PPP6R3: variants seen among roughly 807,000 people sequenced by gnomAD.
PPP6R3 encodes protein phosphatase 6 regulatory subunit 3.
In PPP6R3, 38 loss-of-function variants were observed where a neutral mutation model predicts 110.7. The ratio of observed to expected loss-of-function variants is 0.34; its 90% confidence interval spans 0.26 to 0.45. The LOEUF (loss-of-function observed/expected upper bound fraction) is 0.45. Ranked by LOEUF, PPP6R3 falls within the 20% of genes least tolerant of loss-of-function variation. The pLI, the probability that PPP6R3 is intolerant of heterozygous loss-of-function variation, is 1.00. For synonymous variants in PPP6R3, 369 were observed against 373.5 expected (o/e 0.99, Z 0.14); for missense variants, 870 against 1,062.4 (o/e 0.82, Z 2.52).
intron 1 of PPP6R3, among the ~76,000 whole-genome samples, chr11:68,470,475 G>T (rs1050652146): frequency 6.6e-6 from 1 of 152,092 alleles, no homozygotes; most frequent in South Asian, 2.1e-4. Context: ...ATGGATGGGG[G>T]AGATGGGGGG....
intron 10 of PPP6R3, among the ~76,000 whole-genome samples, chr11:68,567,686 T>G (rs192297382): frequency 1.8e-4 from 27 of 152,094 alleles, no homozygotes; most frequent in African/African-American, 6.5e-4. Flanking sequence ...AGTTTCAGAG[T>G]CTGTGCTTAG....
chr11:68,601,826 C>T (rs1288166615), intron 20 of PPP6R3, 37 bp from the exon 21 acceptor site: 9 of 1,538,750 alleles, frequency 5.8e-6, no homozygotes, highest in African/African-American at 4.1e-5. Flanking sequence ...AGGACCATTC[C>T]CTGCTGCTAA....
chr11:68,519,777 A>G (rs1197755019), intron 2 of PPP6R3, 126 bp downstream of exon 2: 2 of 392,460 alleles, frequency 5.1e-6, no homozygotes, highest in African/African-American at 4.1e-5. Context: ...GCTAGGTACA[A>G]TATGATTCTG....
intron 1 of PPP6R3, among the ~76,000 whole-genome samples, chr11:68,503,720 G>A (rs2153492600): frequency 6.6e-6 from 1 of 152,172 alleles, no homozygotes; most frequent in Non-Finnish European, 1.5e-5. Context: ...ATCGCAGATT[G>A]GAATGAGGTG....
intron 5 of PPP6R3, among the ~76,000 whole-genome samples, chr11:68,550,041 C>T (rs540873603): frequency 1.7e-4 from 26 of 152,128 alleles, no homozygotes; most frequent in Admixed American, 7.9e-4. Context: ...TCCTCTGTTT[C>T]GGGACATTAT....
intron 3 of PPP6R3, among the ~76,000 whole-genome samples, chr11:68,542,538 T>C (rs578080306): frequency 2.0e-5 from 3 of 151,866 alleles, no homozygotes; most frequent in Non-Finnish European, 2.9e-5. Flanking sequence ...AGACTACAGG[T>C]GTGTGCCACC....
At chr11:68,600,704 A>G (rs989103322) in intron 20 of PPP6R3, among the ~76,000 whole-genome samples, 1 of 152,228 alleles carries the variant, frequency 6.6e-6, no homozygotes, top group South Asian at 2.1e-4. Context: ...ATTAATTGGA[A>G]ATGGGAGTAG....
At chr11:68,522,867 C>G (rs527446865) in intron 2 of PPP6R3, among the ~76,000 whole-genome samples, 78 of 152,270 alleles carry the variant, frequency 5.1e-4, no homozygotes, top group African/African-American at 1.8e-3. Context: ...GAAGACTGTT[C>G]ATGGAGGCTA....
intron 1 of PPP6R3, among the ~76,000 whole-genome samples, chr11:68,470,180 G>T (rs745876321): frequency 3.2e-4 from 49 of 152,172 alleles, no homozygotes; most frequent in Non-Finnish European, 6.5e-4. Context: ...ATAAATGAAA[G>T]ATACAGTAGC....
chr11:68,610,056 C>T, intron 23 of PPP6R3, 33 bp downstream of exon 23: 1 of 1,606,946 alleles, frequency 6.2e-7, no homozygotes. Flanking sequence ...CCACCCAGGC[C>T]CTGCCCTGAC....
Position 68,576,055 on chromosome 11 carries a change from A to C in PPP6R3, c.1545+12A>C, listed in dbSNP as rs1484435399. Reference sequence around the variant, plus strand: ...ACACGGTAGATCTAGTAGGTTTTACAAGGTTACATTTTTATTCTTTCAGTG... The same window carrying C: ...ACACGGTAGATCTAGTAGGTTTTACCAGGTTACATTTTTATTCTTTCAGTG... On this transcript the variant is annotated intron_variant, in intron 14 of 23. Transcript: ENST00000393800. 1 of 1,569,494 alleles carries C rather than the reference A, an allele frequency of 6.4e-7. No homozygotes were observed.
chr11:68,538,810 A>G (rs1405941764), intron 3 of PPP6R3, among the ~76,000 whole-genome samples: 1 of 152,178 alleles, frequency 6.6e-6, no homozygotes, highest in Admixed American at 6.5e-5. Flanking sequence ...TCACTCAGAG[A>G]TTAGTGTCTT....
intron 9 of PPP6R3, among the ~76,000 whole-genome samples, chr11:68,564,742 C>T (rs1208525285): frequency 6.6e-6 from 1 of 152,176 alleles, no homozygotes; most frequent in African/African-American, 2.4e-5. Flanking sequence ...AAAAGCTAAT[C>T]TTTCAGAAAC....
At chr11:68,587,230 G>A (rs1385110228) in intron 15 of PPP6R3, 2 of 147,274 alleles carry the variant, frequency 1.4e-5, no homozygotes, top group East Asian at 3.9e-4. Context: ...GTACTCTCTA[G>A]ATTTGGTGTT....
chr11:68,614,869 AC>A lies in PPP6R3; in HGVS notation c.*1753del. 2.1e-6 allele frequency: 2 copies of A among 944,368 alleles called. No homozygotes were observed. Among genetic ancestry groups the A allele is most frequent in the Non-Finnish European group, 3.3e-6 (2 of 609,000 alleles). 58.5% of individuals were successfully genotyped at this position (944,368 alleles called of 1,614,324 possible). ...TGAATGGCGTTGGACCTCGGGGATT[AC>A]TGGTAGATAATATGCTCTGGTCTCG... is the stretch of plus-strand genomic sequence containing the variant. On this transcript the variant is annotated 3_prime_UTR_variant, in exon 24 of 24. Transcript: ENST00000393800.
In PPP6R3 at chr11:68,571,408, G is replaced by C. The variant is rs954413326; in HGVS notation, c.1343+304G>C. Among the ~76,000 whole-genome samples, 9 of 152,318 alleles carry C rather than the reference G, an allele frequency of 5.9e-5. 1 individual carries two copies. Among genetic ancestry groups the C allele is most frequent in the Middle Eastern group, 6.8e-3 (2 of 294 alleles). On this transcript the variant is annotated intron_variant, in intron 12 of 23. Transcript: ENST00000393800. ...CTGTTCTAAGAGTTATAAGGTTAAA[G>C]TTAAGTCCTTGATGATGTGACTTAG...
At chr11:68,608,035 A>T (rs1329495809) in intron 22 of PPP6R3, among the ~76,000 whole-genome samples, 3 of 55,282 alleles carry the variant, frequency 5.4e-5, no homozygotes, top group Admixed American at 1.7e-4. Flanking sequence ...GGACTTCTTT[A>T]AAAAAAAAAA....
intron 1 of PPP6R3, among the ~76,000 whole-genome samples, chr11:68,501,736 A>C (rs957200182): frequency 6.6e-6 from 1 of 152,230 alleles, no homozygotes; most frequent in Non-Finnish European, 1.5e-5. Context: ...GTAATAATTA[A>C]ATTTTTCATG....
At chr11:68,609,608 C>A in intron 22 of PPP6R3, 1 of 1,552,072 alleles carries the variant, frequency 6.4e-7, no homozygotes, top group African/African-American at 1.4e-5. Context: ...CACTGGGCTT[C>A]AGAGTGTTGA....
Sources: gnomAD v4.1 joint callset for allele counts (sites outside exome capture counted in the v4.1 genomes callset) on GRCh38, gnomAD v4.1.1 for gene constraint, MANE v1.5 for transcripts, NCBI Gene and HGNC (gene_info 2026-07-23, HGNC 2026-07-21) for gene names.